Variants in HIVEP1 observed in about 807,000 individuals in gnomAD.
HIVEP1 encodes zinc finger protein 40.
HIVEP1 carries 36 observed loss-of-function variants against 180.0 expected under a neutral mutation model. The ratio of observed to expected loss-of-function variants is 0.20; its 90% confidence interval spans 0.15 to 0.26. The LOEUF is 0.26. HIVEP1 is among the 10% of genes least tolerant of loss of function. The probability of loss-of-function intolerance (pLI) is 1.00; values close to 1 mark genes in which losing one functional copy is unlikely to be tolerated. For synonymous variants in HIVEP1, 1,239 were observed against 1,239.0 expected (o/e 1.00, Z 0.00); for missense variants, 3,143 against 3,268.7 (o/e 0.96, Z 0.94).
the HIVEP1 span, among the ~76,000 whole-genome samples, chr6:12,199,360 C>CTT: frequency 0.2 from 21,549 of 109,148 alleles, 2,432 homozygotes; most frequent in African/African-American, 0.22. Flanking sequence ...ACTGTCAATC[C>CTT]TTTTTTTTTT....
intron 2 of HIVEP1, among the ~76,000 whole-genome samples, chr6:12,019,572 C>T (rs1026240458): frequency 6.6e-6 from 1 of 152,168 alleles, no homozygotes; most frequent in African/African-American, 2.4e-5. Flanking sequence ...ACTGTTTCTG[C>T]CGTCAGCTCA....
Position 12,125,131 on chromosome 6 carries a change from C to G in HIVEP1, c.5336C>G (p.Pro1779Arg), listed in dbSNP as rs776805999. 3 of 1,613,546 alleles carry G rather than the reference C, an allele frequency of 1.9e-6. No individual in the cohort carries two copies. Among genetic ancestry groups the G allele is most frequent in the Non-Finnish European group, 2.5e-6 (3 of 1,179,888 alleles). Reference protein sequence around the residue: ...NGAVCATDVRPLEALSSRVNE... With the variant: ...NGAVCATDVRRLEALSSRVNE... ...GCTGTTTGTGCAACAGACGTGAGAC[C>G]TTTAGAGGCTTTGAGTTCGAGAGTT... The change falls in exon 4 of 9, where the codon CCT (proline) becomes CGT (arginine). Residue 1779 changes from proline (P) to arginine (R), a missense_variant. Around this residue, in one of 12 missense-constraint regions of HIVEP1, gnomAD observed 1,357 missense variants for 1,260.5 expected, o/e 1.08. Transcript: ENST00000379388.
At chr6:12,087,061 G>T (rs941514695) in intron 2 of HIVEP1, among the ~76,000 whole-genome samples, 3 of 152,052 alleles carry the variant, frequency 2.0e-5, no homozygotes, top group Admixed American at 1.3e-4. Context: ...ACCTATTGAC[G>T]TGGAGCTATA....
intron 2 of HIVEP1, among the ~76,000 whole-genome samples, chr6:12,076,636 C>T (rs1184705868): frequency 6.6e-6 from 1 of 152,144 alleles, no homozygotes; most frequent in Admixed American, 6.5e-5. Context: ...CCCACTCCTG[C>T]AGTCCTTTTT....
At chr6:12,082,818 C>T (rs1015086221) in intron 2 of HIVEP1, among the ~76,000 whole-genome samples, 5 of 152,048 alleles carry the variant, frequency 3.3e-5, no homozygotes, top group Admixed American at 1.3e-4. Flanking sequence ...TCCTTAGTGC[C>T]GGCACACAGG....
chr6:12,090,330 G>A (rs9394526), intron 3 of HIVEP1, among the ~76,000 whole-genome samples: 14,980 of 152,108 alleles, frequency 0.098, 996 homozygotes, highest in Middle Eastern at 0.2. Flanking sequence ...TAGGATTCCA[G>A]TTGAAAGCCG....
the HIVEP1 span, among the ~76,000 whole-genome samples, chr6:12,199,630 G>A: frequency 6.6e-6 from 1 of 152,074 alleles, no homozygotes; most frequent in South Asian, 2.1e-4. Context: ...TAAAGTCTGG[G>A]ATTACAGGCA....
intron 7 of HIVEP1, among the ~76,000 whole-genome samples, chr6:12,155,079 C>T (rs1244048537): frequency 6.6e-6 from 1 of 151,786 alleles, no homozygotes; most frequent in African/African-American, 2.4e-5. Flanking sequence ...TAGATTTATC[C>T]GAGAACCTTC....
upstream of HIVEP1, among the ~76,000 whole-genome samples, chr6:12,010,496 A>C (rs1371504804): frequency 2.0e-5 from 3 of 152,218 alleles, no homozygotes; most frequent in East Asian, 5.8e-4. Context: ...ATGGAAGCCC[A>C]AGGGAACAAA....
the HIVEP1 span, among the ~76,000 whole-genome samples, chr6:12,178,613 G>A: frequency 2.6e-5 from 4 of 152,226 alleles, no homozygotes; most frequent in Non-Finnish European, 5.9e-5. Flanking sequence ...TGGCAGGGCT[G>A]TAGAGGAAGC....
At chr6:12,134,684 G>A (rs1049458580) in intron 6 of HIVEP1, among the ~76,000 whole-genome samples, 3 of 152,138 alleles carry the variant, frequency 2.0e-5, no homozygotes, top group African/African-American at 4.8e-5. Flanking sequence ...TTTGTGTATG[G>A]CATTATCCAC....
At chr6:12,055,034 G>C (rs919820065) in intron 2 of HIVEP1, among the ~76,000 whole-genome samples, 1 of 152,218 alleles carries the variant, frequency 6.6e-6, no homozygotes, top group African/African-American at 2.4e-5. Context: ...TCCTGCTCTT[G>C]TAGAGTTTAC....
chr6:12,139,346 A>T (rs1224818727), intron 7 of HIVEP1, among the ~76,000 whole-genome samples: 5 of 152,176 alleles, frequency 3.3e-5, no homozygotes, highest in Non-Finnish European at 7.4e-5. Context: ...TCTGTTAAGA[A>T]TGCCCTCTAG....
chr6:12,207,303 T>C, the HIVEP1 span, among the ~76,000 whole-genome samples: 1 of 152,222 alleles, frequency 6.6e-6, no homozygotes, highest in African/African-American at 2.4e-5. Context: ...TATTTAGCTA[T>C]TGGAAAGACC....
intron 3 of HIVEP1, among the ~76,000 whole-genome samples, chr6:12,119,010 T>G (rs1233278014): frequency 6.6e-6 from 1 of 152,222 alleles, no homozygotes; most frequent in Non-Finnish European, 1.5e-5. Flanking sequence ...CAGACTGTTG[T>G]GTAGACAGAG....
At chr6:12,171,289 G>A in the HIVEP1 span, among the ~76,000 whole-genome samples, 2 of 152,152 alleles carry the variant, frequency 1.3e-5, no homozygotes, top group South Asian at 2.1e-4. Flanking sequence ...CTGACCGCAA[G>A]CAATCCTACT....
downstream of HIVEP1, among the ~76,000 whole-genome samples, chr6:12,167,897 TATA>T (rs1387367901): frequency 2.1e-5 from 3 of 142,738 alleles, no homozygotes; most frequent in Non-Finnish European, 4.5e-5. Flanking sequence ...GATGTGCGTA[TATA>T]ATATATACAC....
the HIVEP1 span, among the ~76,000 whole-genome samples, chr6:12,207,568 C>T: frequency 3.9e-5 from 6 of 152,042 alleles, no homozygotes; most frequent in East Asian, 1.9e-4. Flanking sequence ...CAGAAGCCAG[C>T]GGGGCCACCA....
intron 2 of HIVEP1, among the ~76,000 whole-genome samples, chr6:12,048,579 A>G (rs1403661245): frequency 2.6e-5 from 4 of 152,196 alleles, no homozygotes; most frequent in Non-Finnish European, 5.9e-5. Context: ...TCTGTTGTTC[A>G]TGGTACCTGG....
Sources: gnomAD v4.1 joint callset for allele counts (sites outside exome capture counted in the v4.1 genomes callset) on GRCh38, gnomAD v4.1.1 for gene constraint, gnomAD v4.1.1 regional missense constraint, MANE v1.5 for transcripts, NCBI Gene and HGNC (gene_info 2026-07-23, HGNC 2026-07-21) for gene names.